SH3RF3: variants seen among roughly 807,000 people sequenced by gnomAD.
The protein encoded by SH3RF3 is SH3 domain containing ring finger 3.
Under a neutral mutation model 66.3 loss-of-function variants are expected in SH3RF3, and 29 were observed. That is an observed-to-expected ratio of 0.44 (90% CI 0.33 to 0.60). The LOEUF is 0.60. Among genes scored for constraint, SH3RF3 ranks in the 20% least tolerant of loss-of-function variants. SH3RF3 has a pLI of 0.04. For synonymous variants in SH3RF3, 583 were observed against 532.0 expected (o/e 1.10, Z -1.32); for missense variants, 1,194 against 1,190.9 (o/e 1.00, Z -0.04).
rs577256004 is a variant in SH3RF3 at position 109,159,360 on chromosome 2, C to T, written c.573+29247C>T. 7.2e-5 allele frequency among the ~76,000 whole-genome samples: 11 copies of T among 152,302 alleles called. No individual in the cohort carries two copies. In the East Asian group the frequency reaches 1.4e-3, roughly 19 times the overall value. Reference sequence around the variant, plus strand: ...CTGCCTGCCCTGCCCAGCCCCAGGGCGAGGGTGTATGCGTGCAGAAGGGAC... The same window carrying T: ...CTGCCTGCCCTGCCCAGCCCCAGGGTGAGGGTGTATGCGTGCAGAAGGGAC... On this transcript the variant is annotated intron_variant, in intron 1 of 9. Coordinates refer to ENST00000309415, the MANE Select transcript of SH3RF3 (RefSeq NM_001099289.3).
At chr2:109,204,437 T>C (rs1372990273) in intron 1 of SH3RF3, among the ~76,000 whole-genome samples, 2 of 152,268 alleles carry the variant, frequency 1.3e-5, no homozygotes, top group African/African-American at 2.4e-5. Flanking sequence ...AAATCTGCTG[T>C]AGTTTTTGTT....
chr2:109,146,790 GC>G (rs111312265), intron 1 of SH3RF3, among the ~76,000 whole-genome samples: 97,404 of 116,254 alleles, frequency 0.84, 41,560 homozygotes, highest in Non-Finnish European at 0.9. Context: ...TTTCTTTAGT[GC>G]CCCCCCCATT....
intron 1 of SH3RF3, among the ~76,000 whole-genome samples, chr2:109,148,776 G>T (rs1368400071): frequency 6.6e-6 from 1 of 152,178 alleles, no homozygotes; most frequent in Non-Finnish European, 1.5e-5. Context: ...TGCTTGTTTA[G>T]CAGGACAGCT....
chr2:109,449,160 C>T lies in SH3RF3; in HGVS notation c.1829-10C>T, dbSNP rs1559089241. On this transcript the variant is annotated splice_polypyrimidine_tract_variant and intron_variant, in intron 7 of 9. Transcript: ENST00000309415. ...CTTTCAACCTGCTGTCTCTCCAACC[C>T]CGTCTCCAGCTGCCCACTCTGCAGC... 5 of 1,612,060 alleles carry T rather than the reference C, an allele frequency of 3.1e-6. No homozygotes were observed. Among genetic ancestry groups the T allele is most frequent in the Non-Finnish European group, 4.2e-6 (5 of 1,179,280 alleles).
At chr2:109,318,470 C>T (rs1031713120) in intron 1 of SH3RF3, among the ~76,000 whole-genome samples, 1 of 152,168 alleles carries the variant, frequency 6.6e-6, no homozygotes, top group Non-Finnish European at 1.5e-5. Flanking sequence ...TCGGCATACG[C>T]GTTTATCTGA....
rs200449895 is a variant in SH3RF3, at chr2:109,501,569, C to T, written c.2547C>T (p.Ile849=). Reference sequence around the variant, plus strand: ...AGATCGAGCTGAAGGAAGGCGACATCGTCTTTGTGCACAAGAAGCGTGAGG... The same window carrying T: ...AGATCGAGCTGAAGGAAGGCGACATTGTCTTTGTGCACAAGAAGCGTGAGG... ...EAEIELKEGD[I]VFVHKKREDG... The change falls in exon 10 of 10, where the codon ATC becomes ATT. Residue 849 remains isoleucine, a synonymous_variant. Transcript: ENST00000309415. 83 of 779,558 alleles carry T rather than the reference C, an allele frequency of 1.1e-4. 1 individual carries two copies. The Middle Eastern group carries it at 7.4e-3, about 69-fold the overall frequency. The allele number at this position is 779,558 out of a possible 1,614,324, so 48.3% of individuals were successfully genotyped here.
At chr2:109,405,403 A>G (rs1052174898) in intron 4 of SH3RF3, among the ~76,000 whole-genome samples, 3 of 152,034 alleles carry the variant, frequency 2.0e-5, no homozygotes, top group African/African-American at 7.2e-5. Flanking sequence ...GTCCCTTGGA[A>G]GGTTCTGGGG....
intron 1 of SH3RF3, among the ~76,000 whole-genome samples, chr2:109,274,711 G>A (rs930782018): frequency 6.6e-6 from 1 of 152,214 alleles, no homozygotes; most frequent in Non-Finnish European, 1.5e-5. Context: ...GATAGAGGTC[G>A]TGGCTGCATA....
rs1446943886 is a variant in SH3RF3, at chr2:109,503,037, T to TG, written c.*1367dup. On this transcript the variant is annotated 3_prime_UTR_variant, in exon 10 of 10. Transcript: ENST00000309415. ...GGCGAGAGAGGAGGAGGTGCAGCTT[T>TG]GATGCTGGGACCTCCCTGAGTGGGG... is the stretch of plus-strand genomic sequence containing the variant. The TG allele has an allele frequency of 6.6e-6, 1 of 152,204 alleles. No individual in the cohort carries two copies. Among genetic ancestry groups the TG allele is most frequent in the African/African-American group, 2.4e-5 (1 of 41,456 alleles). 9.4% of individuals were successfully genotyped at this position (152,204 alleles called of 1,614,324 possible).
At chr2:109,144,738 GC>G (rs1677052546) in intron 1 of SH3RF3, among the ~76,000 whole-genome samples, 1 of 152,260 alleles carries the variant, frequency 6.6e-6, no homozygotes, top group East Asian at 1.9e-4. Context: ...GGTGATGCAT[GC>G]CTGGCAGGGG....
At chr2:109,164,230 G>A (rs1677562797) in intron 1 of SH3RF3, among the ~76,000 whole-genome samples, 1 of 151,944 alleles carries the variant, frequency 6.6e-6, no homozygotes, top group Non-Finnish European at 1.5e-5. Flanking sequence ...CCAGGCTGAA[G>A]TGCAGTAACA....
intron 1 of SH3RF3, among the ~76,000 whole-genome samples, chr2:109,342,048 T>G (rs1292842332): frequency 2.0e-5 from 3 of 152,220 alleles, no homozygotes; most frequent in Non-Finnish European, 2.9e-5. Context: ...ACGAATGTGT[T>G]CATCTTCCTG....
intron 3 of SH3RF3, among the ~76,000 whole-genome samples, chr2:109,373,771 C>T (rs1006795374): frequency 6.6e-6 from 1 of 152,100 alleles, no homozygotes; most frequent in East Asian, 1.9e-4. Flanking sequence ...CTTCTAACTG[C>T]AATTTCAAAA....
At chr2:109,353,897 G>A (rs1339079169) in intron 2 of SH3RF3, among the ~76,000 whole-genome samples, 2 of 152,088 alleles carry the variant, frequency 1.3e-5, no homozygotes, top group Admixed American at 6.5e-5. Context: ...ACCCCCTGAG[G>A]GGCCCCTGCC....
chr2:109,442,061 C>T (rs563427232), intron 7 of SH3RF3, among the ~76,000 whole-genome samples: 1 of 152,244 alleles, frequency 6.6e-6, no homozygotes, highest in East Asian at 1.9e-4. Flanking sequence ...CCTGTAATCC[C>T]AGCACTTTGG....
chr2:109,412,164 C>T (rs561376337), intron 4 of SH3RF3, among the ~76,000 whole-genome samples: 6 of 152,384 alleles, frequency 3.9e-5, no homozygotes, highest in East Asian at 1.9e-4. Context: ...CCGTGGTCCA[C>T]GATGCGTGTG....
chr2:109,348,453 G>A (rs1361030778), intron 2 of SH3RF3, among the ~76,000 whole-genome samples: 2 of 152,222 alleles, frequency 1.3e-5, no homozygotes, highest in South Asian at 2.1e-4. Flanking sequence ...ACCCTGGTGC[G>A]TAGGGATCCC....
chr2:109,279,677 T>C (rs1458364878), intron 1 of SH3RF3, among the ~76,000 whole-genome samples: 1 of 152,248 alleles, frequency 6.6e-6, no homozygotes, highest in African/African-American at 2.4e-5. Context: ...AATTCTGTCA[T>C]TGGAATTTCC....
chr2:109,407,114 T>C (rs1181176933), intron 4 of SH3RF3, among the ~76,000 whole-genome samples: 4 of 152,196 alleles, frequency 2.6e-5, no homozygotes, highest in African/African-American at 9.6e-5. Flanking sequence ...GCAGGGGCTC[T>C]TGCTGGGTCC....
Sources: gnomAD v4.1 joint callset for allele counts (sites outside exome capture counted in the v4.1 genomes callset) on GRCh38, gnomAD v4.1.1 for gene constraint, MANE v1.5 for transcripts, NCBI Gene and HGNC (gene_info 2026-07-23, HGNC 2026-07-21) for gene names.